IL1RAPL1: variants seen among roughly 807,000 people sequenced by gnomAD.
IL1RAPL1 encodes interleukin 1 receptor accessory protein like 1.
In IL1RAPL1, 3 loss-of-function variants were observed where a neutral mutation model predicts 48.4. The ratio of observed to expected loss-of-function variants is 0.06; its 90% CI spans 0.03 to 0.16. The LOEUF (loss-of-function observed/expected upper bound fraction) is 0.16. Among genes scored for constraint, IL1RAPL1 ranks in the 10% least tolerant of loss-of-function variants. IL1RAPL1 has a pLI of 1.00. For synonymous variants in IL1RAPL1, 185 were observed against 187.7 expected (o/e 0.99, Z 0.12); for missense variants, 349 against 530.6 (o/e 0.66, Z 3.36).
chrX:29,290,016 C>G (rs1932346764), intron 3 of IL1RAPL1, among the ~76,000 whole-genome samples: 1 of 110,983 alleles, frequency 9.0e-6, no homozygotes. Context: ...ACTCTTTTTT[C>G]TCATTGAAAG....
intron 1 of IL1RAPL1, among the ~76,000 whole-genome samples, chrX:28,665,680 AG>A (rs1479503091): frequency 9.0e-6 from 1 of 110,768 alleles, no homozygotes; most frequent in South Asian, 3.8e-4. Flanking sequence ...CAGTAGAGAC[AG>A]GGTTTCACCA....
intron 1 of IL1RAPL1, among the ~76,000 whole-genome samples, chrX:28,722,027 A>G (rs1284777560): frequency 1.8e-5 from 2 of 111,265 alleles, no homozygotes; most frequent in African/African-American, 3.3e-5. Context: ...GTCAGGTAGC[A>G]TGATGCCTCC....
At chrX:29,803,261 GTA>G (rs1345653082) in intron 6 of IL1RAPL1, among the ~76,000 whole-genome samples, 1 of 31,185 alleles carries the variant, frequency 3.2e-5, no homozygotes, top group East Asian at 2.0e-3. Flanking sequence ...ATACACACAT[GTA>G]TATATGTATA....
intron 5 of IL1RAPL1, among the ~76,000 whole-genome samples, chrX:29,589,427 A>G (rs754651984): frequency 9.0e-6 from 1 of 110,661 alleles, no homozygotes; most frequent in Non-Finnish European, 1.9e-5. Context: ...TTAGATTATC[A>G]TATTTTCCAT....
intron 2 of IL1RAPL1, among the ~76,000 whole-genome samples, chrX:29,102,928 G>A (rs1441864112): frequency 1.8e-5 from 2 of 110,859 alleles, no homozygotes; most frequent in African/African-American, 6.5e-5. Flanking sequence ...AGAAGAAAAA[G>A]GTCTCTACAA....
At chrX:28,789,241 C>A in intron 1 of IL1RAPL1, 79 bp from the exon 2 acceptor site, 1 of 555,697 alleles carries the variant, frequency 1.8e-6, no homozygotes. Flanking sequence ...CATGTTTGAT[C>A]AAAGTTATGA....
chrX:28,737,422 A>C (rs1935856809), intron 1 of IL1RAPL1, among the ~76,000 whole-genome samples: 1 of 108,211 alleles, frequency 9.2e-6, no homozygotes, highest in Non-Finnish European at 1.9e-5. Flanking sequence ...ATGCCCAGCT[A>C]ATTTTTTGTA....
intron 5 of IL1RAPL1, among the ~76,000 whole-genome samples, chrX:29,571,917 T>G (rs1922608325): frequency 8.9e-6 from 1 of 112,139 alleles, no homozygotes; most frequent in South Asian, 3.7e-4. Flanking sequence ...TAAATGATTA[T>G]TGAGCAACTA....
At chrX:29,251,310 C>T (rs907258402) in intron 2 of IL1RAPL1, among the ~76,000 whole-genome samples, 3 of 110,266 alleles carry the variant, frequency 2.7e-5, no homozygotes, top group African/African-American at 9.8e-5. Flanking sequence ...AGGCACTGTT[C>T]TAGGGACCAC....
At chrX:29,595,842 T>C (rs1923529976) in intron 5 of IL1RAPL1, among the ~76,000 whole-genome samples, 1 of 111,883 alleles carries the variant, frequency 8.9e-6, no homozygotes, top group Non-Finnish European at 1.9e-5. Flanking sequence ...TTTTTCAACG[T>C]TATCTTCTAG....
At chrX:29,089,848 A>T (rs1278177411) in intron 2 of IL1RAPL1, among the ~76,000 whole-genome samples, 1 of 91,504 alleles carries the variant, frequency 1.1e-5, no homozygotes, top group Non-Finnish European at 2.1e-5. Flanking sequence ...GTTTTGCCCA[A>T]AGCTGATAGT....
At chrX:28,873,970 T>TA (rs59999767) in intron 2 of IL1RAPL1, among the ~76,000 whole-genome samples, 4,246 of 76,847 alleles carry the variant, frequency 0.055, 164 homozygotes, top group African/African-American at 0.13. Context: ...GCTTCTCCAG[T>TA]AAAAAAAAAA....
chrX:28,737,191 CTCTTTCTTTCTTTCTCTTTCTT>C (rs1935846252), intron 1 of IL1RAPL1, among the ~76,000 whole-genome samples: 1 of 79,449 alleles, frequency 1.3e-5, no homozygotes, highest in Non-Finnish European at 2.4e-5. Context: ...TCTTTCCTTT[CTCTTTCTTTCTTTCTCTTTCTT>C]TCTTTCTTTC....
intron 6 of IL1RAPL1, among the ~76,000 whole-genome samples, chrX:29,774,993 A>T (rs1018527778): frequency 8.9e-6 from 1 of 112,115 alleles, no homozygotes; most frequent in Non-Finnish European, 1.9e-5. Context: ...AGTAATTGAA[A>T]CCTAAACAGA....
At chrX:28,774,929 A>G (rs1260543850) in intron 1 of IL1RAPL1, among the ~76,000 whole-genome samples, 1 of 111,604 alleles carries the variant, frequency 9.0e-6, no homozygotes, top group Non-Finnish European at 1.9e-5. Context: ...CTCACTAACC[A>G]TACCCGATGT....
intron 2 of IL1RAPL1, among the ~76,000 whole-genome samples, chrX:29,183,118 A>G (rs1163335201): frequency 1.8e-5 from 2 of 112,041 alleles, no homozygotes; most frequent in Middle Eastern, 4.6e-3. Context: ...TTACTTGTTT[A>G]CAGCAGCAAT....
At chrX:29,504,244 G>A (rs923209454) in intron 5 of IL1RAPL1, among the ~76,000 whole-genome samples, 11 of 111,385 alleles carry the variant, frequency 9.9e-5, no homozygotes, top group Non-Finnish European at 1.9e-4. Context: ...CTTGTTTTGT[G>A]GCCTAAGAGA....
At position 29,955,835 on chromosome X, in the gene IL1RAPL1, ACATC is replaced by A; in HGVS notation, c.*17_*20del. 8.6e-7 allele frequency: 1 copy of A among 1,169,311 alleles called. No homozygotes were observed. Among genetic ancestry groups the A allele is most frequent in the South Asian group, 1.8e-5 (1 of 55,819 alleles). ...TGATATGGTGACAGAAAAGCAAGGG[ACATC>A]CCGTCCCTGGGAGGTTGAGTGGAAT... On this transcript the variant is annotated 3_prime_UTR_variant, in exon 11 of 11. Transcript: ENST00000378993.
intron 3 of IL1RAPL1, among the ~76,000 whole-genome samples, chrX:29,313,091 T>C (rs1932750484): frequency 8.9e-6 from 1 of 112,023 alleles, no homozygotes. Flanking sequence ...CGGCTAATTA[T>C]AGTCAAGAGA....
Sources: allele counts gnomAD v4.1 joint callset (sites outside exome capture counted in the v4.1 genomes callset), GRCh38; gene constraint gnomAD v4.1.1; transcripts MANE v1.5; gene names NCBI Gene and HGNC (gene_info 2026-07-23, HGNC 2026-07-21).